SPOCK1: variants seen among roughly 807,000 people sequenced by gnomAD.
The protein encoded by SPOCK1 is testican-1.
A neutral mutation model predicts 55.3 loss-of-function variants in SPOCK1; 23 were observed. The observed-to-expected ratio is 0.42, with a 90% CI of 0.30 to 0.59. SPOCK1 has a LOEUF of 0.59. SPOCK1 is among the 20% of genes least tolerant of loss of function. SPOCK1 has a pLI of 0.22. For synonymous variants in SPOCK1, 226 were observed against 221.0 expected, an observed-to-expected ratio of 1.02 and a Z score of -0.20; for missense variants, 499 against 552.5, an observed-to-expected ratio of 0.90 and a Z score of 0.97.
At chr5:137,306,019 G>A (rs1002614688) in intron 2 of SPOCK1, among the ~76,000 whole-genome samples, 1 of 152,226 alleles carries the variant, frequency 6.6e-6, no homozygotes, top group African/African-American at 2.4e-5. Context: ...GGATTCAGTA[G>A]GGTGGACTGT....
At position 137,004,124 on chromosome 5, in the gene SPOCK1, G is replaced by A. The variant is rs1434776326; in HGVS notation, c.590-11524C>T. On this transcript the variant is annotated intron_variant, in intron 6 of 10. Coordinates refer to ENST00000394945, the MANE Select transcript of SPOCK1 (RefSeq NM_004598.4). ...CAAAGGTCCAGCAGCATCTCCAGGG[G>A]TGCCAGAGTCTAAGGTAAGATGGTG... Among the ~76,000 whole-genome samples the A allele has an allele frequency of 3.3e-5, 5 of 152,140 alleles. No individual in the cohort carries two copies. The East Asian group carries it at 7.7e-4, about 23-fold the overall frequency.
At chr5:137,182,270 C>T (rs918807819) in intron 3 of SPOCK1, among the ~76,000 whole-genome samples, 3 of 152,134 alleles carry the variant, frequency 2.0e-5, no homozygotes, top group South Asian at 2.1e-4. Context: ...CTGCCAGTAG[C>T]TTCCCTCATC....
At chr5:137,225,903 C>T (rs1755936561) in intron 3 of SPOCK1, among the ~76,000 whole-genome samples, 1 of 152,178 alleles carries the variant, frequency 6.6e-6, no homozygotes, top group East Asian at 1.9e-4. Flanking sequence ...AGAAGTCTAG[C>T]CCTCAAGGAC....
chr5:137,275,231 A>G (rs1247540209), intron 2 of SPOCK1, among the ~76,000 whole-genome samples: 3 of 152,254 alleles, frequency 2.0e-5, no homozygotes, highest in Admixed American at 1.3e-4. Context: ...GCCTTGTCCG[A>G]GTATCACAAA....
chr5:137,219,009 G>A (rs565254850), intron 3 of SPOCK1, among the ~76,000 whole-genome samples: 1 of 152,278 alleles, frequency 6.6e-6, no homozygotes, highest in South Asian at 2.1e-4. Flanking sequence ...GACCTGCAAG[G>A]GGGAACCTTA....
chr5:137,335,010 C>T (rs756445540), intron 2 of SPOCK1, among the ~76,000 whole-genome samples: 20 of 152,140 alleles, frequency 1.3e-4, no homozygotes, highest in African/African-American at 1.9e-4. Flanking sequence ...TGTCCACAGA[C>T]GGCACATTTA....
chr5:137,259,612 C>A (rs759153777), intron 3 of SPOCK1, among the ~76,000 whole-genome samples: 1 of 148,696 alleles, frequency 6.7e-6, no homozygotes, highest in Non-Finnish European at 1.5e-5. Flanking sequence ...ACATTCTGCA[C>A]ATGTGCCCCA....
At chr5:137,045,152 T>C (rs1205018009) in intron 6 of SPOCK1, among the ~76,000 whole-genome samples, 1 of 151,390 alleles carries the variant, frequency 6.6e-6, no homozygotes, top group Non-Finnish European at 1.5e-5. Flanking sequence ...CTTTTAGGTA[T>C]ATACCCAGTA....
chr5:137,220,088 C>T (rs1308621747), intron 3 of SPOCK1, among the ~76,000 whole-genome samples: 1 of 152,116 alleles, frequency 6.6e-6, no homozygotes, highest in African/African-American at 2.4e-5. Flanking sequence ...GTTGCATCTC[C>T]TGACCCAGGA....
At chr5:137,372,584 T>TCA (rs1751224889) in intron 2 of SPOCK1, among the ~76,000 whole-genome samples, 1 of 152,172 alleles carries the variant, frequency 6.6e-6, no homozygotes, top group Non-Finnish European at 1.5e-5. Flanking sequence ...TCCAAAACTG[T>TCA]CACACACAAA....
chr5:137,252,614 A>C (rs1398417036), intron 3 of SPOCK1, among the ~76,000 whole-genome samples: 1 of 152,196 alleles, frequency 6.6e-6, no homozygotes, highest in African/African-American at 2.4e-5. Flanking sequence ...CTCATTGTTG[A>C]CCAGATATAA....
chr5:137,494,550 A>G (rs1464757303), intron 2 of SPOCK1, among the ~76,000 whole-genome samples: 1 of 152,238 alleles, frequency 6.6e-6, no homozygotes, highest in Non-Finnish European at 1.5e-5. Flanking sequence ...AGTGTCTGGC[A>G]CACTCGATGC....
At chr5:137,353,006 AC>A (rs59794928) in intron 2 of SPOCK1, among the ~76,000 whole-genome samples, 5,009 of 152,242 alleles carry the variant, frequency 0.033, 149 homozygotes, top group African/African-American at 0.086. Context: ...TTTACCAAGT[AC>A]CACTGCAGTA....
chr5:137,404,830 C>T (rs761491845), intron 2 of SPOCK1, among the ~76,000 whole-genome samples: 1 of 152,136 alleles, frequency 6.6e-6, no homozygotes, highest in Admixed American at 6.5e-5. Context: ...TGATGAATCA[C>T]TGAAAAACTA....
chr5:137,353,665 T>C (rs1240441884), intron 2 of SPOCK1, among the ~76,000 whole-genome samples: 1 of 152,166 alleles, frequency 6.6e-6, no homozygotes, highest in Admixed American at 6.5e-5. Flanking sequence ...TCCAGGAAAC[T>C]AACTTTACAC....
chr5:137,422,519 C>T (rs1328946040), intron 2 of SPOCK1, among the ~76,000 whole-genome samples: 1 of 152,196 alleles, frequency 6.6e-6, no homozygotes, highest in Non-Finnish European at 1.5e-5. Context: ...TCTCTTATCG[C>T]ATCATTTCAT....
At chr5:137,286,212 G>A (rs1334962722) in intron 2 of SPOCK1, among the ~76,000 whole-genome samples, 1 of 152,122 alleles carries the variant, frequency 6.6e-6, no homozygotes, top group Admixed American at 6.5e-5. Context: ...TCTAAATCTA[G>A]GTCCATTCGT....
intron 2 of SPOCK1, among the ~76,000 whole-genome samples, chr5:137,281,792 T>C (rs1757169746): frequency 6.6e-6 from 1 of 152,196 alleles, no homozygotes; most frequent in Non-Finnish European, 1.5e-5. Context: ...TTGGGAACAA[T>C]ACCGTGTGGG....
chr5:137,305,313 G>A (rs150347560), intron 2 of SPOCK1, among the ~76,000 whole-genome samples: 24 of 152,312 alleles, frequency 1.6e-4, no homozygotes, highest in Non-Finnish European at 2.8e-4. Flanking sequence ...CTCACCCCGT[G>A]TGTCTGTGCC....
Sources: allele counts gnomAD v4.1 joint callset (sites outside exome capture counted in the v4.1 genomes callset), GRCh38; gene constraint gnomAD v4.1.1; transcripts MANE v1.5; gene names NCBI Gene and HGNC (gene_info 2026-07-23, HGNC 2026-07-21).